The following KLHL13 variants were observed in gnomAD, a reference collection of about 807,000 sequenced individuals.
The protein encoded by KLHL13 is kelch-like protein 13.
Under a neutral mutation model 37.1 loss-of-function variants are expected in KLHL13, and 10 were observed. That is an observed-to-expected ratio of 0.27 (90% CI 0.17 to 0.46). The LOEUF (loss-of-function observed/expected upper bound fraction) is 0.46, where lower values mean the gene tolerates loss of function less well. Among genes scored for constraint, KLHL13 ranks in the 20% least tolerant of loss-of-function variants. The pLI is 1.00. For synonymous variants in KLHL13, 163 were observed against 181.2 expected (o/e 0.90, Z 0.81); for missense variants, 360 against 509.3 (o/e 0.71, Z 2.82).
At chrX:117,909,341 A>G (rs375139093) in exon 5 of KLHL13, 8 of 1,205,252 alleles carry the variant, frequency 6.6e-6, no homozygotes, top group Non-Finnish European at 9.0e-6. Flanking sequence ...CTGCATACAG[A>G]TATCCTTTGA....
exon 1 of KLHL13, chrX:118,116,618 C>T (rs2055473551): frequency 8.9e-6 from 1 of 112,052 alleles, no homozygotes; most frequent in South Asian, 3.7e-4. Context: ...TGCGAGGCAC[C>T]AGCACCCGCA....
chrX:118,113,151 T>C (rs1040652593), intron 1 of KLHL13, among the ~76,000 whole-genome samples: 11 of 111,716 alleles, frequency 9.8e-5, no homozygotes, highest in Admixed American at 5.7e-4. Flanking sequence ...TTTAACATAC[T>C]CACCTCAGGG....
intron 2 of KLHL13, among the ~76,000 whole-genome samples, chrX:117,935,340 G>A (rs1932721606): frequency 8.9e-6 from 1 of 112,459 alleles, no homozygotes; most frequent in Non-Finnish European, 1.9e-5. Flanking sequence ...ATTATGGTAA[G>A]TAATAGAAAC....
intron 1 of KLHL13, among the ~76,000 whole-genome samples, chrX:118,111,278 C>T (rs1458669555): frequency 8.9e-6 from 1 of 112,254 alleles, no homozygotes; most frequent in African/African-American, 3.2e-5. Context: ...ATGGTGCAAC[C>T]CCATAAACAT....
At chrX:118,090,829 G>C in intron 1 of KLHL13, among the ~76,000 whole-genome samples, 1 of 109,754 alleles carries the variant, frequency 9.1e-6, no homozygotes, top group East Asian at 2.9e-4. Context: ...ACATGCACAC[G>C]TATGTTTATA....
chrX:117,946,576 G>A (rs1933329583), intron 1 of KLHL13: 1 of 111,849 alleles, frequency 8.9e-6, no homozygotes, highest in African/African-American at 3.2e-5. Context: ...CTAAGAGTGG[G>A]GAGCCCATGG....
At chrX:118,090,143 T>A (rs1205341439) in intron 1 of KLHL13, among the ~76,000 whole-genome samples, 1 of 106,996 alleles carries the variant, frequency 9.3e-6, no homozygotes, top group Non-Finnish European at 1.9e-5. Context: ...TAATTCAAGA[T>A]GGATTAAAGA....
intron 1 of KLHL13, among the ~76,000 whole-genome samples, chrX:118,006,188 A>G (rs2053979574): frequency 1.8e-5 from 2 of 111,926 alleles, no homozygotes; most frequent in Non-Finnish European, 3.8e-5. Context: ...GATAAGAGGG[A>G]AAGTATTTTA....
chrX:118,116,791 G>A (rs1224036889), exon 1 of KLHL13: 1 of 102,048 alleles, frequency 9.8e-6, no homozygotes, highest in Non-Finnish European at 2.0e-5. Flanking sequence ...CAGAGCCTCC[G>A]CCTGACCTCA....
chrX:117,930,282 A>AGGCAGGCAGGCAGGCAGGC (rs1195134095), intron 2 of KLHL13, among the ~76,000 whole-genome samples: 2 of 90,270 alleles, frequency 2.2e-5, no homozygotes, highest in African/African-American at 5.4e-5. Flanking sequence ...GGAAGGAAGG[A>AGGCAGGCAGGCAGGCAGGC]AGGAAGGAAG....
chrX:118,036,744 G>A (rs1602673804), intron 1 of KLHL13, among the ~76,000 whole-genome samples: 1 of 110,706 alleles, frequency 9.0e-6, no homozygotes, highest in Admixed American at 9.6e-5. Context: ...TTGACAAATG[G>A]GATCTAATTC....
intron 1 of KLHL13, among the ~76,000 whole-genome samples, chrX:118,051,568 A>G (rs2054614512): frequency 9.0e-6 from 1 of 110,887 alleles, no homozygotes; most frequent in Non-Finnish European, 1.9e-5. Context: ...AATAAATAAA[A>G]AGAAAAATAA....
At chrX:118,048,635 T>C (rs973527077) in intron 1 of KLHL13, among the ~76,000 whole-genome samples, 2 of 111,922 alleles carry the variant, frequency 1.8e-5, no homozygotes, top group Non-Finnish European at 3.8e-5. Flanking sequence ...TGCCCTGAAG[T>C]CGGGACTATG....
At chrX:118,081,688 TTCC>T (rs780146766) in intron 1 of KLHL13, among the ~76,000 whole-genome samples, 2 of 111,397 alleles carry the variant, frequency 1.8e-5, no homozygotes, top group Non-Finnish European at 3.8e-5. Flanking sequence ...CTAGAACTTA[TTCC>T]TCCTATTTAA....
intron 1 of KLHL13, among the ~76,000 whole-genome samples, chrX:117,948,271 T>A (rs1233529186): frequency 8.9e-6 from 1 of 112,082 alleles, no homozygotes; most frequent in Non-Finnish European, 1.9e-5. Context: ...AATTTCCCAG[T>A]CATAGGGTTG....
chrX:118,090,160 T>C (rs1008953079), intron 1 of KLHL13, among the ~76,000 whole-genome samples: 1 of 108,641 alleles, frequency 9.2e-6, no homozygotes, highest in African/African-American at 3.3e-5. Context: ...AAGACTTAAA[T>C]GTTAGACCTA....
At chrX:117,929,536 A>G (rs939751883) in intron 2 of KLHL13, among the ~76,000 whole-genome samples, 1 of 111,456 alleles carries the variant, frequency 9.0e-6, no homozygotes, top group East Asian at 2.8e-4. Flanking sequence ...AAGTTAATCA[A>G]TATAAATCAC....
intron 4 of KLHL13, among the ~76,000 whole-genome samples, chrX:117,917,008 A>G (rs1263793940): frequency 9.0e-6 from 1 of 111,499 alleles, no homozygotes; most frequent in Non-Finnish European, 1.9e-5. Flanking sequence ...CTGGGCTACT[A>G]TTTTTCCTTT....
At chrX:118,035,721 T>C (rs971084459) in intron 1 of KLHL13, among the ~76,000 whole-genome samples, 7 of 110,405 alleles carry the variant, frequency 6.3e-5, no homozygotes, top group South Asian at 3.9e-4. Flanking sequence ...CTATTCAACA[T>C]AGTATTGGAA....
Sources: allele counts gnomAD v4.1 joint callset (sites outside exome capture counted in the v4.1 genomes callset), GRCh38; gene constraint gnomAD v4.1.1; transcripts MANE v1.5; gene names NCBI Gene and HGNC (gene_info 2026-07-23, HGNC 2026-07-21).